The following GLDN variants were observed in gnomAD, a reference collection of about 807,000 sequenced individuals.
GLDN encodes the protein collomin.
Under a neutral mutation model 56.5 loss-of-function variants are expected in GLDN, and 47 were observed. That is an observed-to-expected ratio of 0.83 (90% CI 0.66 to 1.06). The LOEUF is 1.06. Ranked by LOEUF, GLDN falls within the 50% of genes least tolerant of loss-of-function variation. GLDN has a pLI of 0.00. For synonymous variants in GLDN, 332 were observed against 278.8 expected, an observed-to-expected ratio of 1.19 and a Z score of -1.90; for missense variants, 782 against 714.3, an observed-to-expected ratio of 1.09 and a Z score of -1.08.
At chr15:51,382,858 T>C (rs149466228) in intron 2 of GLDN, among the ~76,000 whole-genome samples, 1 of 152,314 alleles carries the variant, frequency 6.6e-6, no homozygotes, top group East Asian at 1.9e-4. Flanking sequence ...GCAAAATTCA[T>C]GTGAACCCCT....
chr15:51,384,957 G>A (rs2037857290), intron 4 of GLDN: 1 of 152,282 alleles, frequency 6.6e-6, no homozygotes, highest in African/African-American at 2.4e-5. Flanking sequence ...ATTAGCAATT[G>A]AAGTAAGGGC....
At chr15:51,361,350 G>C (rs1251973049) in intron 1 of GLDN, among the ~76,000 whole-genome samples, 1 of 152,048 alleles carries the variant, frequency 6.6e-6, no homozygotes, top group Non-Finnish European at 1.5e-5. Flanking sequence ...TGAAGTATTT[G>C]ATGAATACCT....
rs1185328771 is a variant in GLDN, at chr15:51,405,809, C to T, written c.*1055C>T. 6.6e-6 allele frequency: 1 copy of T among 152,166 alleles called. No homozygotes were observed. The highest frequency in any genetic ancestry group is 1.5e-5 in the Non-Finnish European group (1 of 68,046). The allele number at this position is 152,166 out of a possible 1,614,324, so 9.4% of individuals were successfully genotyped here. On this transcript the variant is annotated 3_prime_UTR_variant, in exon 10 of 10. Transcript: ENST00000335449. ...GAACTGGGCCAGAGCCAGTCCATTG[C>T]CTGTTTTTTTAAATAAGGTTTTACT...
At chr15:51,375,883 C>T (rs545879554) in intron 1 of GLDN, among the ~76,000 whole-genome samples, 1 of 152,280 alleles carries the variant, frequency 6.6e-6, no homozygotes, top group South Asian at 2.1e-4. Flanking sequence ...GCTCACCACC[C>T]CTTTTATTCA....
chr15:51,345,726 C>G (rs2036965464), intron 1 of GLDN, among the ~76,000 whole-genome samples: 1 of 152,112 alleles, frequency 6.6e-6, no homozygotes, highest in Non-Finnish European at 1.5e-5. Flanking sequence ...CCAATAGTAT[C>G]TCGAATTGTC....
intron 1 of GLDN, among the ~76,000 whole-genome samples, chr15:51,357,585 A>G (rs2445776): frequency 0.17 from 26,381 of 152,140 alleles, 2,830 homozygotes; most frequent in East Asian, 0.49. Context: ...CGCTGGGAGC[A>G]TTGGTTTGCC....
At chr15:51,356,822 C>G (rs2037196133) in intron 1 of GLDN, among the ~76,000 whole-genome samples, 1 of 152,226 alleles carries the variant, frequency 6.6e-6, no homozygotes, top group South Asian at 2.1e-4. Context: ...TATATTTTCA[C>G]TCATCAATAT....
intron 1 of GLDN, among the ~76,000 whole-genome samples, chr15:51,373,482 G>A (rs1048346529): frequency 1.6e-4 from 24 of 152,228 alleles, no homozygotes; most frequent in Non-Finnish European, 2.9e-4. Context: ...GTGCAAACCT[G>A]TATCATTCAA....
chr15:51,348,493 C>T (rs2037018988), intron 1 of GLDN, among the ~76,000 whole-genome samples: 1 of 151,824 alleles, frequency 6.6e-6, no homozygotes, highest in African/African-American at 2.4e-5. Context: ...CCACACCTGG[C>T]TAATTAAAAA....
intron 1 of GLDN, among the ~76,000 whole-genome samples, chr15:51,355,974 A>T (rs943813963): frequency 2.7e-5 from 4 of 150,070 alleles, no homozygotes; most frequent in Admixed American, 2.7e-4. Context: ...TTGGGAGGCC[A>T]AGGCGGGCGG....
At chr15:51,400,587 G>C (rs569076676) in intron 8 of GLDN, 89 bp downstream of exon 8, 221 of 1,358,622 alleles carry the variant, frequency 1.6e-4, no homozygotes, top group Non-Finnish European at 2.1e-4. Context: ...ATTTGTGTGT[G>C]TCTGAAATCC....
chr15:51,342,555 G>T (rs2036905975), intron 1 of GLDN, among the ~76,000 whole-genome samples: 1 of 152,212 alleles, frequency 6.6e-6, no homozygotes, highest in African/African-American at 2.4e-5. Flanking sequence ...CCTGCGAGAT[G>T]GCCGGCCTAA....
chr15:51,374,029 A>G (rs2037571623), intron 1 of GLDN, among the ~76,000 whole-genome samples: 1 of 152,206 alleles, frequency 6.6e-6, no homozygotes, highest in African/African-American at 2.4e-5. Flanking sequence ...ACAATCTTAT[A>G]TACACAGCCC....
chr15:51,366,507 G>A (rs116927685), intron 1 of GLDN, among the ~76,000 whole-genome samples: 3 of 152,330 alleles, frequency 2.0e-5, no homozygotes, highest in Non-Finnish European at 4.4e-5. Context: ...GCACTTATCC[G>A]TTTACACCTG....
At chr15:51,355,840 A>G (rs1266586773) in intron 1 of GLDN, among the ~76,000 whole-genome samples, 2 of 148,460 alleles carry the variant, frequency 1.3e-5, no homozygotes, top group Non-Finnish European at 3.0e-5. Flanking sequence ...ATGCTGTTTT[A>G]TCAGCAAGGT....
downstream of GLDN, among the ~76,000 whole-genome samples, chr15:51,409,409 C>T (rs986388439): frequency 6.6e-6 from 1 of 152,052 alleles, no homozygotes; most frequent in African/African-American, 2.4e-5. Context: ...TCAGACCATG[C>T]ATGTGATTTT....
At position 51,407,253 on chromosome 15, in the gene GLDN, T is replaced by C. The variant is rs556920270; in HGVS notation, c.*2499T>C. On this transcript the variant is annotated 3_prime_UTR_variant, in exon 10 of 10. Coordinates refer to ENST00000335449, the MANE Select transcript of GLDN (RefSeq NM_181789.4). ...CGCAGTGGGTAATCTTATCTGATTG[T>C]CTTTAAAAGTGAAAAGGATTAAGAT... The C allele has an allele frequency of 6.6e-6, 1 of 152,314 alleles. No individual in the cohort carries two copies. The highest frequency in any genetic ancestry group is 1.5e-5 in the Non-Finnish European group (1 of 68,038). The allele number at this position is 152,314 out of a possible 1,614,324, so 9.4% of individuals were successfully genotyped here. A position where few individuals can be genotyped will look rare whatever the true frequency, so the allele number is the denominator to read the frequency against.
intron 1 of GLDN, among the ~76,000 whole-genome samples, chr15:51,360,754 CT>C (rs1392022718): frequency 6.6e-6 from 1 of 152,196 alleles, no homozygotes; most frequent in African/African-American, 2.4e-5. Context: ...CCTGAGAGCC[CT>C]ACTCCTTTAC....
intron 5 of GLDN, among the ~76,000 whole-genome samples, chr15:51,395,352 T>C (rs1049285035): frequency 1.3e-4 from 20 of 152,230 alleles, no homozygotes; most frequent in African/African-American, 4.8e-4. Flanking sequence ...TTTGCTTCAC[T>C]GATGAGGTTG....
Sources: allele counts gnomAD v4.1 joint callset (sites outside exome capture counted in the v4.1 genomes callset), GRCh38; gene constraint gnomAD v4.1.1; transcripts MANE v1.5; gene names NCBI Gene and HGNC (gene_info 2026-07-23, HGNC 2026-07-21).